Variants in SERP1 observed in about 807,000 individuals in gnomAD.
The protein encoded by SERP1 is stress associated endoplasmic reticulum protein 1, also known as stress-associated endoplasmic reticulum protein 1.
A neutral mutation model predicts 8.8 loss-of-function variants in SERP1; 6 were observed. The observed-to-expected ratio is 0.68, with a 90% CI of 0.37 to 1.35. The LOEUF is 1.35. SERP1 is among the 40% of genes most tolerant of loss of function. The pLI is 0.02. For synonymous variants in SERP1, 36 were observed against 28.7 expected, an observed-to-expected ratio of 1.25 and a Z score of -0.81; for missense variants, 52 against 86.2, an observed-to-expected ratio of 0.60 and a Z score of 1.57.
rs1178268835 is a variant in SERP1, at chr3:150,545,693, A to G, written c.160+10T>C. 6 of 1,601,876 alleles carry G rather than the reference A, an allele frequency of 3.7e-6. No homozygotes were observed. Among genetic ancestry groups the G allele is most frequent in the African/African-American group, 2.7e-5 (2 of 74,708 alleles). The stretch of plus-strand genomic sequence containing the variant: ...AGACTCTACCTGATGGGAGCCCCCA[A>G]GCCACTTACCAGAACCACAGACAAC... On this transcript the variant is annotated intron_variant, in intron 2 of 2. Coordinates refer to ENST00000239944, the MANE Select transcript of SERP1 (RefSeq NM_014445.4).
In SERP1 at chr3:150,543,318, A is replaced by G. The variant is rs1420394334; in HGVS notation, c.*1140T>C. The G allele has an allele frequency of 6.6e-6, 1 of 152,582 alleles. No individual in the cohort carries two copies. The highest frequency in any genetic ancestry group is 1.5e-5 in the Non-Finnish European group (1 of 68,026). 9.5% of individuals were successfully genotyped at this position (152,582 alleles called of 1,614,324 possible). A position where few individuals can be genotyped will look rare whatever the true frequency, so the allele number is the denominator to read the frequency against. On this transcript the variant is annotated 3_prime_UTR_variant, in exon 3 of 3. Transcript: ENST00000239944. ...TGACCCTCACCCTTACCATTAGTAA[A>G]ACGTAAATTTGATCAATCATAACCT... is the stretch of plus-strand genomic sequence containing the variant.
chr3:150,544,745 G>A (rs182154224), intron 2 of SERP1, among the ~76,000 whole-genome samples: 1 of 152,320 alleles, frequency 6.6e-6, no homozygotes, highest in African/African-American at 2.4e-5. Flanking sequence ...AGAACTTGCA[G>A]ATAAGTAATC....
chr3:150,543,561 A>G lies in SERP1; in HGVS notation c.*897T>C, dbSNP rs531348995. 1 of 152,744 alleles carries G rather than the reference A, an allele frequency of 6.5e-6. No individual in the cohort carries two copies. The highest frequency in any genetic ancestry group is 1.5e-5 in the Non-Finnish European group (1 of 67,998). The allele number at this position is 152,744 out of a possible 1,614,324, so 9.5% of individuals were successfully genotyped here. On this transcript the variant is annotated 3_prime_UTR_variant, in exon 3 of 3. Coordinates refer to ENST00000239944, the MANE Select transcript of SERP1 (RefSeq NM_014445.4). Reference sequence around the variant, plus strand: ...AACATGCTAAAATGTCTTATGGCACATTGGACTCAACAGCATGTTCTGATG... The same window carrying G: ...AACATGCTAAAATGTCTTATGGCACGTTGGACTCAACAGCATGTTCTGATG...
rs535058739 is a variant in SERP1 at position 150,542,844 on chromosome 3, G to T, written c.*1614C>A. The T allele has an allele frequency of 6.6e-6, 1 of 152,576 alleles. No individual in the cohort carries two copies. Among genetic ancestry groups the T allele is most frequent in the East Asian group, 1.9e-4 (1 of 5,192 alleles). 9.5% of individuals were successfully genotyped at this position (152,576 alleles called of 1,614,324 possible). On this transcript the variant is annotated 3_prime_UTR_variant, in exon 3 of 3. Coordinates refer to ENST00000239944, the MANE Select transcript of SERP1 (RefSeq NM_014445.4). ...ATGAATTTAGCACAACCATAAAACA[G>T]AATTAGTTAACCAAGACACTTGTTT...
chr3:150,544,544 A>T (rs1343555203), intron 2 of SERP1, 46 bp from the exon 3 acceptor site: 1 of 1,456,506 alleles, frequency 6.9e-7, no homozygotes, highest in Non-Finnish European at 9.6e-7. Context: ...TGAATAAAAT[A>T]GGTCTGGTGT....
intron 1 of SERP1, 49 bp from the exon 2 acceptor site, chr3:150,545,827 C>A: frequency 6.5e-7 from 1 of 1,544,464 alleles, no homozygotes. Context: ...ACCACTCGGA[C>A]CCCAGGCTCC....
chr3:150,545,538 A>T (rs1300305759), intron 2 of SERP1, 165 bp downstream of exon 2: 1 of 681,288 alleles, frequency 1.5e-6, no homozygotes, highest in Non-Finnish European at 2.6e-6. Context: ...CCCTCTGTGC[A>T]TATGTGGAAC....
rs1372146894 is a variant in SERP1 at position 150,545,772 on chromosome 3, C to T, written c.91G>A (p.Ala31Thr). The T allele has an allele frequency of 1.2e-6, 2 of 1,605,178 alleles. No homozygotes were observed. Among genetic ancestry groups the T allele is most frequent in the Non-Finnish European group, 1.7e-6 (2 of 1,175,104 alleles). ...CCTACAGACGCCTTCTCTTCGGGGG[C>T]ATTTCTCTGCAAAAGCGAAAATCCA... ...RGNVAKTSRN[A>T]PEEKASVGPW... The change falls in exon 2 of 3, where the codon GCC (alanine) becomes ACC (threonine). Residue 31 changes from alanine (A) to threonine (T), a missense_variant. By Grantham distance (58) the Ala-to-Thr change is moderately conservative. Coordinates refer to ENST00000239944, the MANE Select transcript of SERP1 (RefSeq NM_014445.4).
rs1040583432 is a variant in SERP1, at chr3:150,546,286, G to T, written c.-151C>A. 1.2e-6 allele frequency: 1 copy of T among 850,020 alleles called. No homozygotes were observed. The highest frequency in any genetic ancestry group is 1.8e-6 in the Non-Finnish European group (1 of 564,470). The allele number at this position is 850,020 out of a possible 1,614,324, so 52.7% of individuals were successfully genotyped here. ...GACGCTAGCTACGGCCGCTGGGCCT[G>T]GGCGCCGCAAGCGCGAGGTCTGAGC... On this transcript the variant is annotated 5_prime_UTR_variant, in exon 1 of 3. Transcript: ENST00000239944.
Position 150,545,452 on chromosome 3 carries a change from A to T in SERP1, c.160+251T>A, listed in dbSNP as rs73001325. ...CGGTCTTAACATTTATTCCAACTGG[A>T]TCATTACCAAGACCTGACCTCCTTT... On this transcript the variant is annotated intron_variant, in intron 2 of 2. Coordinates refer to ENST00000239944, the MANE Select transcript of SERP1 (RefSeq NM_014445.4). The T allele has an allele frequency of 4.5e-3, 2,267 of 499,562 alleles. 37 individuals are homozygous for T. The highest frequency in any genetic ancestry group is 0.039 in the African/African-American group (2,001 of 51,198). The allele number at this position is 499,562 out of a possible 1,614,324, so 30.9% of individuals were successfully genotyped here. A position where few individuals can be genotyped will look rare whatever the true frequency, so the allele number is the denominator to read the frequency against.
chr3:150,546,130 G>T lies in SERP1; in HGVS notation c.6C>A (p.Val2=). 6.2e-7 allele frequency: 1 copy of T among 1,613,268 alleles called. No individual in the cohort carries two copies. Among genetic ancestry groups the T allele is most frequent in the South Asian group, 1.1e-5 (1 of 91,072 alleles). Residue 2 remains valine (V), a synonymous_variant, in exon 1 of 3, where the codon GTC becomes GTA. Coordinates refer to ENST00000239944, the MANE Select transcript of SERP1 (RefSeq NM_014445.4). The stretch of plus-strand genomic sequence containing the variant: ...TGGCCATACGGATCCTTTGCTTGGC[G>T]ACCATCTTCGCGGCGCCACCACCTG... M[V]AKQRIRMANE...
Position 150,544,401 on chromosome 3 carries a change from G to C in SERP1, c.*57C>G. ...TTTTCAACCAGGGTATCAAACATCA[G>C]GAATGAGTTCAAGTTAAAATTCACA... is the stretch of plus-strand genomic sequence containing the variant. On this transcript the variant is annotated 3_prime_UTR_variant, in exon 3 of 3. Transcript: ENST00000239944. 6.8e-7 allele frequency: 1 copy of C among 1,468,922 alleles called. No homozygotes were observed. The highest frequency in any genetic ancestry group is 9.5e-7 in the Non-Finnish European group (1 of 1,048,712). 91.0% of individuals were successfully genotyped at this position (1,468,922 alleles called of 1,614,324 possible). A position where few individuals can be genotyped will look rare whatever the true frequency, so the allele number is the denominator to read the frequency against.
In SERP1 at chr3:150,546,044, T is replaced by C. The variant is rs901787349; in HGVS notation, c.84+8A>G. On this transcript the variant is annotated splice_region_variant and intron_variant, in intron 1 of 2. Coordinates refer to ENST00000239944, the MANE Select transcript of SERP1 (RefSeq NM_014445.4). ...CGGAACGCAGAGGGGCGCCCGCTCT[T>C]TCCTTACCGAGGTCTTGGCGACGTT... The C allele has an allele frequency of 1.2e-6, 2 of 1,613,526 alleles. No individual in the cohort carries two copies. Among genetic ancestry groups the C allele is most frequent in the Middle Eastern group, 1.6e-4 (1 of 6,062 alleles).
intron 2 of SERP1, chr3:150,545,451 G>T: frequency 2.0e-6 from 1 of 495,718 alleles, no homozygotes; most frequent in Non-Finnish European, 3.6e-6. Flanking sequence ...ATTCCAACTG[G>T]ATCATTACCA....
rs1722907142 is a variant in SERP1, at chr3:150,543,054, CT to C, written c.*1403del. 1 of 152,600 alleles carries C rather than the reference CT, an allele frequency of 6.6e-6. No individual in the cohort carries two copies. The highest frequency in any genetic ancestry group is 6.5e-5 in the Admixed American group (1 of 15,280). The allele number at this position is 152,600 out of a possible 1,614,324, so 9.5% of individuals were successfully genotyped here. A position where few individuals can be genotyped will look rare whatever the true frequency, so the allele number is the denominator to read the frequency against. On this transcript the variant is annotated 3_prime_UTR_variant, in exon 3 of 3. Coordinates refer to ENST00000239944, the MANE Select transcript of SERP1 (RefSeq NM_014445.4). ...CATGTTTGAGGGTATCAGAAGCCCC[CT>C]GTGAGGTTCACGCTGTGTATAGACT...
At position 150,546,339 on chromosome 3, in the gene SERP1, C is replaced by T. The variant is rs1723018313; in HGVS notation, c.-204G>A. ...AAGCCGGGCGCCGGCCGCCGACTGACTGACCGAGCGGGGCAGGTGCGCAGG... is the reference window on the plus strand; with the variant it reads ...AAGCCGGGCGCCGGCCGCCGACTGATTGACCGAGCGGGGCAGGTGCGCAGG... On this transcript the variant is annotated 5_prime_UTR_variant, in exon 1 of 3. Coordinates refer to ENST00000239944, the MANE Select transcript of SERP1 (RefSeq NM_014445.4). 1 of 600,982 alleles carries T rather than the reference C, an allele frequency of 1.7e-6. No individual in the cohort carries two copies. The highest frequency in any genetic ancestry group is 2.0e-5 in the African/African-American group (1 of 50,744). 37.2% of individuals were successfully genotyped at this position (600,982 alleles called of 1,614,324 possible). A position where few individuals can be genotyped will look rare whatever the true frequency, so the allele number is the denominator to read the frequency against.
chr3:150,544,178 T>G lies in SERP1; in HGVS notation c.*280A>C, dbSNP rs1240543240. ...TGTTTTAATAACCACATAAAAAAAC[T>G]TACTCTTAATTGACTGAATAAGTAG... On this transcript the variant is annotated 3_prime_UTR_variant, in exon 3 of 3. Coordinates refer to ENST00000239944, the MANE Select transcript of SERP1 (RefSeq NM_014445.4). 1 of 362,736 alleles carries G rather than the reference T, an allele frequency of 2.8e-6. No individual in the cohort carries two copies. The highest frequency in any genetic ancestry group is 2.1e-5 in the African/African-American group (1 of 47,764). 22.5% of individuals were successfully genotyped at this position (362,736 alleles called of 1,614,324 possible). A position where few individuals can be genotyped will look rare whatever the true frequency, so the allele number is the denominator to read the frequency against.
chr3:150,542,959 GATTC>G lies in SERP1; in HGVS notation c.*1495_*1498del, dbSNP rs1381314075. 6.6e-5 allele frequency: 10 copies of G among 152,536 alleles called. No individual in the cohort carries two copies. In the East Asian group the frequency reaches 1.7e-3, roughly 26 times the overall value. The allele number at this position is 152,536 out of a possible 1,614,324, so 9.4% of individuals were successfully genotyped here. On this transcript the variant is annotated 3_prime_UTR_variant, in exon 3 of 3. Transcript: ENST00000239944. Reference sequence around the variant, plus strand: ...AAAACCTGCTGGCCCAAGGTCAGTTGATTCATTCCTTATTCCAGAATAGTTAAGT... The same window carrying G: ...AAAACCTGCTGGCCCAAGGTCAGTTGATTCCTTATTCCAGAATAGTTAAGT...
chr3:150,545,080 C>A (rs1186118428), intron 2 of SERP1, among the ~76,000 whole-genome samples: 1 of 151,844 alleles, frequency 6.6e-6, no homozygotes, highest in Non-Finnish European at 1.5e-5. Context: ...GAGGAAAGAC[C>A]TTTTTTTTGT....
Sources: gnomAD v4.1 joint callset for allele counts (sites outside exome capture counted in the v4.1 genomes callset) on GRCh38, gnomAD v4.1.1 for gene constraint, MANE v1.5 for transcripts, NCBI Gene and HGNC (gene_info 2026-07-23, HGNC 2026-07-21) for gene names.